Variants in CCDC30 observed in about 807,000 individuals in gnomAD.
The protein encoded by CCDC30 is coiled-coil domain containing 30.
Under a neutral mutation model 100.2 loss-of-function variants are expected in CCDC30, and 70 were observed. The observed-to-expected ratio is 0.70, with a 90% CI of 0.58 to 0.85. The LOEUF (loss-of-function observed/expected upper bound fraction) is 0.85, where lower values mean the gene tolerates loss of function less well. Among genes scored for constraint, CCDC30 ranks in the 40% least tolerant of loss-of-function variants. The probability of loss-of-function intolerance (pLI) is 0.00; values close to 1 mark genes in which losing one functional copy is unlikely to be tolerated. For missense variants in CCDC30, 652 were observed against 771.2 expected (o/e 0.85, Z 1.83); for synonymous variants, 233 against 269.5 (o/e 0.86, Z 1.33).
intron 9 of CCDC30, among the ~76,000 whole-genome samples, chr1:42,588,809 A>T (rs781395822): frequency 8.5e-5 from 13 of 152,288 alleles, no homozygotes; most frequent in Non-Finnish European, 1.6e-4. Context: ...GTATACCAGG[A>T]TACCATATTT....
exon 1 of CCDC30, chr1:42,463,809 A>G (rs1643481872): frequency 6.6e-6 from 1 of 151,672 alleles, no homozygotes; most frequent in Non-Finnish European, 1.5e-5. Context: ...CCGTTTTCTG[A>G]TTTTTTTTGG....
At chr1:42,573,395 A>T (rs1021662075) in intron 7 of CCDC30, among the ~76,000 whole-genome samples, 3 of 152,148 alleles carry the variant, frequency 2.0e-5, no homozygotes, top group African/African-American at 7.2e-5. Flanking sequence ...TGGTAACTTT[A>T]AAAATGTTCA....
intron 6 of CCDC30, among the ~76,000 whole-genome samples, chr1:42,516,289 A>T (rs1412702087): frequency 1.3e-5 from 2 of 151,690 alleles, no homozygotes; most frequent in Non-Finnish European, 2.9e-5. Context: ...CCCTGCCAAA[A>T]CTCCTTTTCA....
At chr1:42,532,859 G>A (rs575877814) in intron 6 of CCDC30, among the ~76,000 whole-genome samples, 1 of 152,298 alleles carries the variant, frequency 6.6e-6, no homozygotes, top group East Asian at 1.9e-4. Context: ...TCCGCCTCCC[G>A]GGTTCACGCC....
At chr1:42,639,961 C>A (rs920312392) in intron 12 of CCDC30, among the ~76,000 whole-genome samples, 10 of 97,330 alleles carry the variant, frequency 1.0e-4, no homozygotes, top group African/African-American at 3.6e-4. Flanking sequence ...AGTGAAACTT[C>A]GTCTCAAAAA....
At chr1:42,503,801 C>T (rs927697780) in intron 6 of CCDC30, among the ~76,000 whole-genome samples, 3 of 152,144 alleles carry the variant, frequency 2.0e-5, no homozygotes, top group African/African-American at 7.2e-5. Context: ...TCACTATCTG[C>T]CTAAATAATT....
At chr1:42,585,451 C>A (rs1646048976) in intron 9 of CCDC30, among the ~76,000 whole-genome samples, 1 of 151,938 alleles carries the variant, frequency 6.6e-6, no homozygotes, top group Non-Finnish European at 1.5e-5. Context: ...GTTAGCCTGG[C>A]TAGAGGTTTA....
chr1:42,653,177 G>A (rs561781386), intron 15 of CCDC30, among the ~76,000 whole-genome samples, 199 bp from the exon 20 acceptor site: 86 of 152,186 alleles, frequency 5.7e-4, no homozygotes, highest in Non-Finnish European at 1.1e-3. Context: ...TAGATAGATC[G>A]TCTATAGATA....
At chr1:42,607,145 AG>A in intron 10 of CCDC30, among the ~76,000 whole-genome samples, 1 of 152,180 alleles carries the variant, frequency 6.6e-6, no homozygotes, top group Admixed American at 6.5e-5. Flanking sequence ...AGCAGCTACT[AG>A]GGAAGCCGAG....
chr1:42,560,206 G>A lies in CCDC30; in HGVS notation c.457-6090G>A, dbSNP rs1051384004. 3.9e-5 allele frequency among the ~76,000 whole-genome samples: 6 copies of A among 152,080 alleles called. No individual in the cohort carries two copies. In the East Asian group the frequency reaches 9.7e-4, roughly 25 times the overall value. On this transcript the variant is annotated intron_variant, in intron 6 of 16. Coordinates refer to ENST00000668663, the Ensembl canonical transcript of CCDC30. ...AAGAAGGCTAGAAAGATCTCAAATCGACACCCTAACATCACAATTAAAAGA... is the reference window on the plus strand; with the variant it reads ...AAGAAGGCTAGAAAGATCTCAAATCAACACCCTAACATCACAATTAAAAGA...
intron 9 of CCDC30, among the ~76,000 whole-genome samples, chr1:42,588,509 A>C (rs149124959): frequency 3.7e-4 from 56 of 152,358 alleles, no homozygotes; most frequent in African/African-American, 1.2e-3. Flanking sequence ...ATTCCAAGGG[A>C]CAGTAACTCA....
At chr1:42,554,621 G>T (rs920367441) in intron 6 of CCDC30, among the ~76,000 whole-genome samples, 1 of 152,104 alleles carries the variant, frequency 6.6e-6, no homozygotes, top group Non-Finnish European at 1.5e-5. Context: ...TGAAGAATAT[G>T]ATTACCAACT....
chr1:42,503,765 A>G (rs1369130934), intron 6 of CCDC30, among the ~76,000 whole-genome samples: 2 of 152,204 alleles, frequency 1.3e-5, no homozygotes, highest in African/African-American at 4.8e-5. Flanking sequence ...ATTAAAATTA[A>G]AACCTTAATG....
At chr1:42,475,682 T>C (rs1409148465) in intron 1 of CCDC30, among the ~76,000 whole-genome samples, 1 of 152,234 alleles carries the variant, frequency 6.6e-6, no homozygotes, top group Non-Finnish European at 1.5e-5. Context: ...AAAGTATGTA[T>C]TCTGAAATAG....
At chr1:42,569,919 T>C (rs990829518) in intron 7 of CCDC30, among the ~76,000 whole-genome samples, 2 of 152,098 alleles carry the variant, frequency 1.3e-5, no homozygotes, top group Admixed American at 1.3e-4. Flanking sequence ...AAGTGGGAGC[T>C]GAACAATGAG....
chr1:42,551,637 A>G (rs1280214275), intron 6 of CCDC30, among the ~76,000 whole-genome samples: 2 of 152,132 alleles, frequency 1.3e-5, no homozygotes, highest in African/African-American at 4.8e-5. Flanking sequence ...ACATAATAAT[A>G]AAGTAATACA....
chr1:42,585,984 A>G (rs1646061073), intron 9 of CCDC30, among the ~76,000 whole-genome samples: 1 of 152,238 alleles, frequency 6.6e-6, no homozygotes, highest in Non-Finnish European at 1.5e-5. Context: ...ATCTCTATAC[A>G]TAAGACTTTG....
intron 1 of CCDC30, among the ~76,000 whole-genome samples, chr1:42,479,941 C>T (rs990362402): frequency 3.3e-5 from 5 of 152,066 alleles, no homozygotes; most frequent in African/African-American, 4.8e-5. Context: ...GTGTGGAGTA[C>T]AGCTGCTCCG....
At chr1:42,512,450 T>TGG (rs1057424142) in intron 6 of CCDC30, among the ~76,000 whole-genome samples, 1 of 151,568 alleles carries the variant, frequency 6.6e-6, no homozygotes, top group Non-Finnish European at 1.5e-5. Context: ...CTGTGGCGGG[T>TGG]GGGGGGAGAC....
Sources: allele counts gnomAD v4.1 joint callset (sites outside exome capture counted in the v4.1 genomes callset), GRCh38; gene constraint gnomAD v4.1.1; transcripts MANE v1.5; gene names NCBI Gene and HGNC (gene_info 2026-07-23, HGNC 2026-07-21).